XAB2: variants seen among roughly 807,000 people sequenced by gnomAD.
The protein encoded by XAB2 is XPA binding protein 2, also known as pre-mRNA-splicing factor SYF1.
In XAB2, 57 loss-of-function variants were observed where a neutral mutation model predicts 113.4. The ratio of observed to expected loss-of-function variants is 0.50; its 90% confidence interval spans 0.41 to 0.63. The LOEUF is 0.63. XAB2 is among the 20% of genes least tolerant of loss of function. The probability of loss-of-function intolerance (pLI) is 0.00; values close to 1 mark genes in which losing one functional copy is unlikely to be tolerated. For missense variants in XAB2, 1,037 were observed against 1,233.3 expected (o/e 0.84, Z 2.38); for synonymous variants, 497 against 498.8 (o/e 1.00, Z 0.05).
rs754951302 is a variant in XAB2, at chr19:7,620,632, C to T, written c.2009G>A (p.Arg670Gln). The change falls in exon 15 of 19, where the codon CGG (arginine) becomes CAG (glutamine). Residue 670 changes from arginine to glutamine, a missense_variant. By Grantham distance (43) the Arg-to-Gln change is conservative. Transcript: ENST00000358368. ...GAGCTTGCACTCCATGTCTGCAAAC[C>T]GCAGGCACATCTCACGCGCGTGCTC... Reference protein sequence around the residue: ...SDEHAREMCLRFADMECKLGE... With the variant: ...SDEHAREMCLQFADMECKLGE... The T allele has an allele frequency of 5.6e-6, 9 of 1,613,016 alleles. No homozygotes were observed. Among genetic ancestry groups the T allele is most frequent in the South Asian group, 1.1e-5 (1 of 91,088 alleles).
In XAB2 at chr19:7,623,299, G is replaced by A; in HGVS notation, c.1120-10C>T. The A allele has an allele frequency of 6.2e-7, 1 of 1,613,098 alleles. No homozygotes were observed. Among genetic ancestry groups the A allele is most frequent in the South Asian group, 1.1e-5 (1 of 91,070 alleles). Reference sequence around the variant, plus strand: ...TGTAGGTGTTGATGATCTGGGGACAGGAGGGAGGAGGTCATATAGGACTCA... The same window carrying A: ...TGTAGGTGTTGATGATCTGGGGACAAGAGGGAGGAGGTCATATAGGACTCA... On this transcript the variant is annotated splice_polypyrimidine_tract_variant and intron_variant, in intron 8 of 18. Transcript: ENST00000358368. This position sits in a 1 kb window ranked among gnomAD's most constrained non-coding sequence, Gnocchi z 4.6.
Position 7,620,999 on chromosome 19 carries a change from C to A in XAB2, c.1818G>T (p.Trp606Cys). 6.4e-7 allele frequency: 1 copy of A among 1,565,482 alleles called. No individual in the cohort carries two copies. The highest frequency in any genetic ancestry group is 8.6e-7 in the Non-Finnish European group (1 of 1,156,680). ...YLLYAQLEEEWGLARHAMAVY... is the reference protein window; with the variant it reads ...YLLYAQLEEECGLARHAMAVY... The stretch of plus-strand genomic sequence containing the variant: ...CGGCCATGGCATGCCGGGCCAGGCC[C>A]CACTCCTCCTCCAGCTGTGCGTACA... Residue 606 changes from tryptophan to cysteine, a missense_variant, in exon 14 of 19, where the codon TGG (tryptophan) becomes TGT (cysteine). Trp to Cys is a radical substitution (Grantham distance 215, BLOSUM62 -2). Transcript: ENST00000358368.
At chr19:7,620,213 GC>G in intron 16 of XAB2, 61 bp downstream of exon 16, 7 of 1,606,086 alleles carry the variant, frequency 4.4e-6, no homozygotes, top group Non-Finnish European at 5.9e-6. Context: ...GACCCGGAAA[GC>G]CCAGGTCAGG....
At chr19:7,629,020 T>C (rs1223917503) in intron 1 of XAB2, among the ~76,000 whole-genome samples, 1 of 152,092 alleles carries the variant, frequency 6.6e-6, no homozygotes, top group African/African-American at 2.4e-5. Context: ...ATCACCAGGG[T>C]TCTTCTAGCC....
rs199712082 is a variant in XAB2, at chr19:7,626,205, G to A, written c.588C>T (p.Ala196=). The A allele has an allele frequency of 1.3e-5, 21 of 1,613,746 alleles. No individual in the cohort carries two copies. The Admixed American group carries it at 1.5e-4, about 12-fold the overall frequency. ...TCACCACGGTGGCCAGGCGCTGGGC[G>A]GCCTCATCCAGCCGGTCACTTGACT... ...YLKSSDRLDE[A]AQRLATVVND... is the part of the protein sequence containing the mutation. The change falls in exon 5 of 19, where the codon GCC becomes GCT. Residue 196 remains alanine, a synonymous_variant. Transcript: ENST00000358368.
chr19:7,623,218 CAG>C lies in XAB2; in HGVS notation c.1189_1190del (p.Leu397ValfsTer9). On this transcript the variant is annotated frameshift_variant, in exon 9 of 19. Transcript: ENST00000358368. LOFTEE classifies it high-confidence loss of function. The surrounding 1 kb of genome is among the most constrained non-coding windows in gnomAD (Gnocchi z 4.6). ...CATAAAACTTGGCAAACGCCACCCA[CAG>C]AGTGTGGGGCTTGCCTGTGGCCTTG... is the stretch of plus-strand genomic sequence containing the variant. ...PFKATGKPHTLWVAFAKFYED... is the reference protein window; with the variant it reads ...PFKATGKPHTXWVAFAKFYED... 1 of 1,613,902 alleles carries C rather than the reference CAG, an allele frequency of 6.2e-7. No homozygotes were observed. The highest frequency in any genetic ancestry group is 8.5e-7 in the Non-Finnish European group (1 of 1,180,032).
In XAB2 at chr19:7,625,844, C is replaced by G. The variant is rs781172083; in HGVS notation, c.822+36G>C. On this transcript the variant is annotated intron_variant, in intron 6 of 18. Coordinates refer to ENST00000358368, the MANE Select transcript of XAB2 (RefSeq NM_020196.3). The surrounding 1 kb of genome is among the most constrained non-coding windows in gnomAD (Gnocchi z 5.2). ...GTCCCCGAGTGTCGGAGGGAGACCC[C>G]GCCCCGAACCCAGAGCCCCGTGTGC... The G allele has an allele frequency of 6.4e-7, 1 of 1,566,308 alleles. No homozygotes were observed. Among genetic ancestry groups the G allele is most frequent in the South Asian group, 1.2e-5 (1 of 84,718 alleles).
In XAB2 at chr19:7,623,042, G is replaced by A. The variant is rs2031068632; in HGVS notation, c.1239+128C>T. 7 of 1,542,036 alleles carry A rather than the reference G, an allele frequency of 4.5e-6. No individual in the cohort carries two copies. The Admixed American group carries it at 9.2e-5, about 20-fold the overall frequency. ...CACACACATGCGTGCACATATGCAT[G>A]CACCCAAATGCACATGCACACACAC... On this transcript the variant is annotated intron_variant, in intron 9 of 18. Coordinates refer to ENST00000358368, the MANE Select transcript of XAB2 (RefSeq NM_020196.3). The surrounding 1 kb of genome is among the most constrained non-coding windows in gnomAD (Gnocchi z 4.6).
intron 13 of XAB2, 48 bp downstream of exon 13, chr19:7,621,087 G>A (rs12982307): frequency 6.5e-7 from 1 of 1,539,786 alleles, no homozygotes; most frequent in Non-Finnish European, 8.8e-7. Context: ...GGGCCAGTCA[G>A]AAACCCAGCC....
In XAB2 at chr19:7,628,235, G is replaced by C; in HGVS notation, c.115C>G (p.Leu39Val). 1 of 1,614,152 alleles carries C rather than the reference G, an allele frequency of 6.2e-7. No individual in the cohort carries two copies. Among genetic ancestry groups the C allele is most frequent in the Non-Finnish European group, 8.5e-7 (1 of 1,180,032 alleles). Residue 39 changes from leucine (L) to valine (V), a missense_variant, in exon 2 of 19, where the codon CTT becomes GTT. Physicochemically the swap from Leu to Val is conservative, Grantham distance 32 (BLOSUM62 1). Coordinates refer to ENST00000358368, the MANE Select transcript of XAB2 (RefSeq NM_020196.3). This position sits in a 1 kb window ranked among gnomAD's most constrained non-coding sequence, Gnocchi z 4.6. ...CCCTGTTTGAACTCGATGTAGCGAA[G>C]CCAGCATTTGACAGAGAATTGGTTC... ...MRNQFSVKCW[L>V]RYIEFKQGAP... is the part of the protein sequence containing the mutation.
Position 7,629,507 on chromosome 19 carries a change from G to T in XAB2, c.21C>A (p.Leu7=), listed in dbSNP as rs4134809. Residue 7 remains leucine (L), a synonymous_variant, in exon 1 of 19, where the codon CTC becomes CTA. Transcript: ENST00000358368. ...CAAGGTCCGGCCGCTCGGGCCGCGA[G>T]AGTCGCGCCATCACCACCATTTTTC... MVVMAR[L]SRPERPDLVF... 15 of 1,603,206 alleles carry T rather than the reference G, an allele frequency of 9.4e-6. No individual in the cohort carries two copies. The African/African-American group carries it at 1.9e-4, about 20-fold the overall frequency.
Position 7,627,761 on chromosome 19 carries a change from G to C in XAB2, c.291C>G (p.Asn97Lys). Residue 97 changes from asparagine to lysine, a missense_variant, in exon 3 of 19, where the codon AAC (asparagine) becomes AAG (lysine). Physicochemically the swap from Asn to Lys is moderately conservative, Grantham distance 94. Transcript: ENST00000358368. The surrounding 1 kb of genome is among the most constrained non-coding windows in gnomAD (Gnocchi z 4.5). Reference protein sequence around the residue: ...VTDPAYEDVNNCHERAFVFMH... With the variant: ...VTDPAYEDVNKCHERAFVFMH... ...TGAACACAAAGGCCCTCTCATGACAGTTGTTGACATCTTCATAGGCAGGGT... is the reference window on the plus strand; with the variant it reads ...TGAACACAAAGGCCCTCTCATGACACTTGTTGACATCTTCATAGGCAGGGT... The C allele has an allele frequency of 6.2e-7, 1 of 1,614,098 alleles. No homozygotes were observed. Among genetic ancestry groups the C allele is most frequent in the Non-Finnish European group, 8.5e-7 (1 of 1,180,024 alleles).
Position 7,624,227 on chromosome 19 carries a change from T to G in XAB2, c.967+74A>C. ...CTGAGCCTCCCAGGGCTGCCTCACC[T>G]GAGATGTGTCCCGCCCCTACCGCTA... On this transcript the variant is annotated intron_variant, in intron 7 of 18. Transcript: ENST00000358368. This position sits in a 1 kb window ranked among gnomAD's most constrained non-coding sequence, Gnocchi z 4.2. 6 of 1,594,340 alleles carry G rather than the reference T, an allele frequency of 3.8e-6. No homozygotes were observed. Among genetic ancestry groups the G allele is most frequent in the Admixed American group, 1.7e-5 (1 of 59,910 alleles).
Position 7,627,620 on chromosome 19 carries a change from A to C in XAB2, c.324+108T>G. 1 of 1,554,816 alleles carries C rather than the reference A, an allele frequency of 6.4e-7. No homozygotes were observed. Among genetic ancestry groups the C allele is most frequent in the Non-Finnish European group, 8.7e-7 (1 of 1,146,776 alleles). ...CTTCCCATGCAAAGAAGCAACAGGA[A>C]TCCAAGCCCCCATCCCTAACATGCT... On this transcript the variant is annotated intron_variant, in intron 3 of 18. Coordinates refer to ENST00000358368, the MANE Select transcript of XAB2 (RefSeq NM_020196.3). This position sits in a 1 kb window ranked among gnomAD's most constrained non-coding sequence, Gnocchi z 4.5.
In XAB2 at chr19:7,627,040, A is replaced by G. The variant is rs1039759440; in HGVS notation, c.522+203T>C. On this transcript the variant is annotated intron_variant, in intron 4 of 18. Coordinates refer to ENST00000358368, the MANE Select transcript of XAB2 (RefSeq NM_020196.3). The surrounding 1 kb of genome is among the most constrained non-coding windows in gnomAD (Gnocchi z 4.5). ...CTTAGTCACACTGTCCTCAGCACCC[A>G]TCGCTATGCCTAATGTGAAACCAGT... Among the ~76,000 whole-genome samples, 10 of 152,202 alleles carry G rather than the reference A, an allele frequency of 6.6e-5. No homozygotes were observed. Among genetic ancestry groups the G allele is most frequent in the African/African-American group, 2.4e-4 (10 of 41,446 alleles).
Position 7,625,397 on chromosome 19 carries a change from G to A in XAB2, c.822+483C>T, listed in dbSNP as rs1435730970. 6.6e-6 allele frequency among the ~76,000 whole-genome samples: 1 copy of A among 152,110 alleles called. No homozygotes were observed. Among genetic ancestry groups the A allele is most frequent in the Non-Finnish European group, 1.5e-5 (1 of 68,026 alleles). On this transcript the variant is annotated intron_variant, in intron 6 of 18. Coordinates refer to ENST00000358368, the MANE Select transcript of XAB2 (RefSeq NM_020196.3). This position sits in a 1 kb window ranked among gnomAD's most constrained non-coding sequence, Gnocchi z 5.2. ...GGCTGACTCCAAGGCTGACGTGCCT[G>A]CGGGCAGGAGTGCTCCCCCACCCTC...
rs1428012215 is a variant in XAB2, at chr19:7,619,856, C to T, written c.2397G>A (p.Arg799=). The T allele has an allele frequency of 6.2e-7, 1 of 1,611,844 alleles. No individual in the cohort carries two copies. The highest frequency in any genetic ancestry group is 8.5e-7 in the Non-Finnish European group (1 of 1,179,906). The change falls in exon 18 of 19, where the codon AGG becomes AGA. Residue 799 remains arginine, a splice_region_variant and synonymous_variant. Transcript: ENST00000358368. Reference sequence around the variant, plus strand: ...CCAGCTCCTCCCGGGAGGCGTCACTCCTAGGGACGGGCCATGCTGCCTCAG... The same window carrying T: ...CCAGCTCCTCCCGGGAGGCGTCACTTCTAGGGACGGGCCATGCTGCCTCAG... ...LRAQSKILFV[R]SDASREELAE...
chr19:7,627,290 G>A lies in XAB2; in HGVS notation c.475C>T (p.His159Tyr). 1 of 1,613,754 alleles carries A rather than the reference G, an allele frequency of 6.2e-7. No individual in the cohort carries two copies. Among genetic ancestry groups the A allele is most frequent in the Non-Finnish European group, 8.5e-7 (1 of 1,180,032 alleles). The part of the protein sequence containing the change: ...WPLYLRFLRS[H>Y]PLPETAVRGY... Reference sequence around the variant, plus strand: ...CGCACAGCTGTCTCAGGCAGTGGGTGTGAGCGCAGGAAGCGCAGATACAGG... The same window carrying A: ...CGCACAGCTGTCTCAGGCAGTGGGTATGAGCGCAGGAAGCGCAGATACAGG... The change falls in exon 4 of 19, where the codon CAC becomes TAC. Residue 159 changes from histidine to tyrosine, a missense_variant. By Grantham distance (83) the His-to-Tyr change is moderately conservative. Transcript: ENST00000358368. This position sits in a 1 kb window ranked among gnomAD's most constrained non-coding sequence, Gnocchi z 4.5.
rs1369383958 is a variant in XAB2, at chr19:7,629,496, T to C, written c.32A>G (p.Glu11Gly). 1.2e-6 allele frequency: 2 copies of C among 1,603,724 alleles called. No individual in the cohort carries two copies. Among genetic ancestry groups the C allele is most frequent in the Non-Finnish European group, 1.7e-6 (2 of 1,175,574 alleles). ...ACTCACGAAGACAAGGTCCGGCCGC[T>C]CGGGCCGCGAGAGTCGCGCCATCAC... MVVMARLSRP[E>G]RPDLVFEEED... The change falls in exon 1 of 19, where the codon GAG becomes GGG. Residue 11 changes from glutamate to glycine, a missense_variant. By Grantham distance (98) the Glu-to-Gly change is moderately conservative. Transcript: ENST00000358368.
Sources: gnomAD v4.1 joint callset for allele counts (sites outside exome capture counted in the v4.1 genomes callset) on GRCh38, gnomAD v4.1.1 for gene constraint, Gnocchi (gnomAD v3.1) non-coding constraint, MANE v1.5 for transcripts, NCBI Gene and HGNC (gene_info 2026-07-23, HGNC 2026-07-21) for gene names.